ZNF71: variants seen among roughly 807,000 people sequenced by gnomAD.
The protein encoded by ZNF71 is zinc finger protein 71.
Under a neutral mutation model 6.7 loss-of-function variants are expected in ZNF71, and 3 were observed. The observed-to-expected ratio is 0.45, with a 90% CI of 0.20 to 1.16. The LOEUF is 1.16. Ranked by LOEUF, ZNF71 falls within the 50% of genes most tolerant of loss-of-function variation. The probability of loss-of-function intolerance (pLI) is 0.25; values close to 1 mark genes in which losing one functional copy is unlikely to be tolerated. For missense variants in ZNF71, 688 were observed against 728.6 expected (o/e 0.94, Z 0.64); for synonymous variants, 343 against 311.1 (o/e 1.10, Z -1.08).
In ZNF71 at chr19:56,621,370, A is replaced by G. The variant is rs1367133662; in HGVS notation, c.263A>G (p.Asn88Ser). The G allele has an allele frequency of 8.2e-6, 13 of 1,591,300 alleles. No individual in the cohort carries two copies. The highest frequency in any genetic ancestry group is 1.1e-5 in the Non-Finnish European group (13 of 1,167,260). ...VGEATGGPTR[N>S]GARGPGSEGV... is the part of the protein sequence containing the mutation. Reference sequence around the variant, plus strand: ...GAGGCCACGGGGGGACCCACGAGGAATGGTGCCAGGGGTCCTGGCTCAGAA... The same window carrying G: ...GAGGCCACGGGGGGACCCACGAGGAGTGGTGCCAGGGGTCCTGGCTCAGAA... Residue 88 changes from asparagine (N) to serine (S), a missense_variant, in exon 4 of 4, where the codon AAT becomes AGT. Asn to Ser is a conservative substitution (Grantham distance 46). Transcript: ENST00000599599.
At chr19:56,616,589 T>C (rs538864589) in intron 3 of ZNF71, among the ~76,000 whole-genome samples, 1 of 152,204 alleles carries the variant, frequency 6.6e-6, no homozygotes, top group African/African-American at 2.4e-5. Context: ...TGTTTTCAAA[T>C]CCTTTCAGAT....
chr19:56,601,063 G>A (rs553533496), intron 1 of ZNF71, among the ~76,000 whole-genome samples: 12 of 152,256 alleles, frequency 7.9e-5, no homozygotes, highest in Non-Finnish European at 1.5e-4. Context: ...CAGGGTGTCC[G>A]GTGGCCCTCA....
intron 3 of ZNF71, among the ~76,000 whole-genome samples, chr19:56,619,900 C>T (rs1336310034): frequency 2.0e-5 from 3 of 152,160 alleles, no homozygotes; most frequent in African/African-American, 7.2e-5. Context: ...AGTCTAGACT[C>T]CACCTAGGCT....
chr19:56,621,134 C>G, intron 3 of ZNF71, 134 bp from the exon 4 acceptor site: 1 of 868,638 alleles, frequency 1.2e-6, no homozygotes. Context: ...ATCCAAGGTT[C>G]TTCTTTGCTA....
In ZNF71 at chr19:56,598,736, A is replaced by G. The variant is rs185182914; in HGVS notation, c.-52-2771A>G. ...GTTTGGCAAATGTCTCTAGACGTTG[A>G]CAAATGTCTCCGGGGGCAGAATTGT... is the stretch of plus-strand genomic sequence containing the variant. On this transcript the variant is annotated intron_variant, in intron 1 of 3. Transcript: ENST00000599599. The surrounding 1 kb of genome is among the most constrained non-coding windows in gnomAD (Gnocchi z 4.2). Among the ~76,000 whole-genome samples the G allele has an allele frequency of 6.6e-6, 1 of 152,334 alleles. No homozygotes were observed. Among genetic ancestry groups the G allele is most frequent in the East Asian group, 1.9e-4 (1 of 5,190 alleles).
In ZNF71 at chr19:56,621,541, G is replaced by T. The variant is rs536091468; in HGVS notation, c.434G>T (p.Gly145Val). Residue 145 changes from glycine (G) to valine (V), a missense_variant, in exon 4 of 4, where the codon GGC becomes GTC. Gly to Val is a moderately radical substitution (Grantham distance 109, BLOSUM62 -3). Transcript: ENST00000599599. ...CHELKAFANQ[G>V]CVLVPPRLDD... ...GAACTGAAGGCATTTGCCAACCAAGGCTGTGTCCTGGTCCCACCACGGCTG... is the reference window on the plus strand; with the variant it reads ...GAACTGAAGGCATTTGCCAACCAAGTCTGTGTCCTGGTCCCACCACGGCTG... 1.1e-5 allele frequency: 17 copies of T among 1,614,178 alleles called. No homozygotes were observed. The highest frequency in any genetic ancestry group is 1.4e-5 in the Non-Finnish European group (17 of 1,180,028).
chr19:56,612,154 A>G (rs1189486660), intron 2 of ZNF71, among the ~76,000 whole-genome samples: 2 of 152,246 alleles, frequency 1.3e-5, no homozygotes, highest in African/African-American at 4.8e-5. Flanking sequence ...TCAAAGAACT[A>G]AAAGTAGATC....
In ZNF71 at chr19:56,595,774, C is replaced by T. The variant is rs540720294; in HGVS notation, c.-53+346C>T. 2.6e-3 allele frequency among the ~76,000 whole-genome samples: 390 copies of T among 149,212 alleles called. 1 individual carries two copies. The highest frequency in any genetic ancestry group is 9.1e-3 in the African/African-American group (368 of 40,448). On this transcript the variant is annotated intron_variant, in intron 1 of 3. Transcript: ENST00000599599. ...TGTCTGTGTGTGTGTCTGTGTGGGT[C>T]TGTATGTGTGTGTGAGACAGATTGT...
rs767195075 is a variant in ZNF71, at chr19:56,622,190, G to T, written c.1083G>T (p.Lys361Asn). 1.2e-6 allele frequency: 2 copies of T among 1,610,844 alleles called. No homozygotes were observed. The highest frequency in any genetic ancestry group is 2.2e-5 in the South Asian group (2 of 90,842). Residue 361 changes from lysine (K) to asparagine (N), a missense_variant, in exon 4 of 4, where the codon AAG becomes AAT. Physicochemically the swap from Lys to Asn is moderately conservative, Grantham distance 94. Coordinates refer to ENST00000599599, the MANE Select transcript of ZNF71 (RefSeq NM_001370215.1). ...CCGGGGAGAAGCCGTACGCCTGCAA[G>T]GAGTGCGGCAAGGCCTTCAACAAGA... ...THTGEKPYAC[K>N]ECGKAFNKSS...
chr19:56,601,745 C>G (rs1210312596), intron 2 of ZNF71, among the ~76,000 whole-genome samples, 154 bp downstream of exon 2: 4 of 152,056 alleles, frequency 2.6e-5, no homozygotes, highest in Non-Finnish European at 4.4e-5. Flanking sequence ...ATGATGCTGA[C>G]CCTGGCTGTG....
chr19:56,623,563 T>C lies in ZNF71; in HGVS notation c.*806T>C, dbSNP rs1328170662. ...TATTCAGAAAGAAATATGCATGGAT[T>C]CAATAAGTATATACATCTGAGCACA... On this transcript the variant is annotated 3_prime_UTR_variant, in exon 4 of 4. Transcript: ENST00000599599. 1 of 167,082 alleles carries C rather than the reference T, an allele frequency of 6.0e-6. No homozygotes were observed. The highest frequency in any genetic ancestry group is 1.9e-4 in the East Asian group (1 of 5,204). 10.3% of individuals were successfully genotyped at this position (167,082 alleles called of 1,614,324 possible). A position where few individuals can be genotyped will look rare whatever the true frequency, so the allele number is the denominator to read the frequency against.
At position 56,623,901 on chromosome 19, in the gene ZNF71, G is replaced by A. The variant is rs550098472; in HGVS notation, c.*1144G>A. Reference sequence around the variant, plus strand: ...GCCCTGACCTCATGACCTCCCAAAGGTCCTCCCTCTTCATACTGTTACATT... The same window carrying A: ...GCCCTGACCTCATGACCTCCCAAAGATCCTCCCTCTTCATACTGTTACATT... On this transcript the variant is annotated 3_prime_UTR_variant, in exon 4 of 4. Transcript: ENST00000599599. 6.0e-6 allele frequency: 1 copy of A among 167,136 alleles called. No homozygotes were observed. Among genetic ancestry groups the A allele is most frequent in the South Asian group, 2.1e-4 (1 of 4,818 alleles). 10.4% of individuals were successfully genotyped at this position (167,136 alleles called of 1,614,324 possible).
rs991558112 is a variant in ZNF71, at chr19:56,613,294, C to G, written c.34-518C>G. On this transcript the variant is annotated intron_variant, in intron 2 of 3. Transcript: ENST00000599599. This position sits in a 1 kb window ranked among gnomAD's most constrained non-coding sequence, Gnocchi z 4.6. The stretch of plus-strand genomic sequence containing the variant: ...GGCACCCCCCACAGCTGGCATTACT[C>G]AGGCACCTGGAGACCTTTGTTCATA... Among the ~76,000 whole-genome samples, 7 of 152,230 alleles carry G rather than the reference C, an allele frequency of 4.6e-5. No individual in the cohort carries two copies. Among genetic ancestry groups the G allele is most frequent in the Non-Finnish European group, 1.0e-4 (7 of 68,042 alleles).
intron 1 of ZNF71, among the ~76,000 whole-genome samples, chr19:56,597,715 G>C (rs1600580974): frequency 7.2e-6 from 1 of 139,560 alleles, no homozygotes; most frequent in Admixed American, 7.5e-5. Flanking sequence ...TATTAATTTT[G>C]TTTTCAGGGT....
chr19:56,607,973 A>G lies in ZNF71; in HGVS notation c.34-5839A>G, dbSNP rs561944093. ...GTGGGAGGCTTCAGCTGCTGGTCAG[A>G]TGGGCCTCTCCAAAGGACTCTGCAG... On this transcript the variant is annotated intron_variant, in intron 2 of 3. Transcript: ENST00000599599. Among the ~76,000 whole-genome samples the G allele has an allele frequency of 2.4e-3, 358 of 152,318 alleles. 4 individuals carry two copies. The highest frequency in any genetic ancestry group is 6.8e-3 in the Middle Eastern group (2 of 294).
rs572735393 is a variant in ZNF71, at chr19:56,612,903, C to G, written c.34-909C>G. ...GATTTCATCTGCAGCAGCCCTGTTT[C>G]CAAATAAGGTCATGTTCTTGAGACC... On this transcript the variant is annotated intron_variant, in intron 2 of 3. Transcript: ENST00000599599. Among the ~76,000 whole-genome samples the G allele has an allele frequency of 4.1e-4, 63 of 152,286 alleles. 1 individual carries two copies. The highest frequency in any genetic ancestry group is 3.4e-3 in the Middle Eastern group (1 of 294).
In ZNF71 at chr19:56,623,078, G is replaced by T. The variant is rs2044878229; in HGVS notation, c.*321G>T. The stretch of plus-strand genomic sequence containing the variant: ...CTGTCCTAGAGCTGGGACAGGTCAC[G>T]CCTGCCTCCACATCTCTGTTTCTTC... On this transcript the variant is annotated 3_prime_UTR_variant, in exon 4 of 4. Coordinates refer to ENST00000599599, the MANE Select transcript of ZNF71 (RefSeq NM_001370215.1). 2.9e-6 allele frequency: 1 copy of T among 346,358 alleles called. No individual in the cohort carries two copies. Among genetic ancestry groups the T allele is most frequent in the East Asian group, 5.0e-5 (1 of 20,192 alleles). 21.5% of individuals were successfully genotyped at this position (346,358 alleles called of 1,614,324 possible). A position where few individuals can be genotyped will look rare whatever the true frequency, so the allele number is the denominator to read the frequency against.
At chr19:56,614,658 C>T (rs1307460655) in intron 3 of ZNF71, among the ~76,000 whole-genome samples, 1 of 152,224 alleles carries the variant, frequency 6.6e-6, no homozygotes, top group Non-Finnish European at 1.5e-5. Flanking sequence ...CCACAACATA[C>T]TGTTAGGTTA....
In ZNF71 at chr19:56,621,256, TG is replaced by T; in HGVS notation, c.161-11del. 1 of 1,514,572 alleles carries T rather than the reference TG, an allele frequency of 6.6e-7. No individual in the cohort carries two copies. The highest frequency in any genetic ancestry group is 1.3e-5 in the South Asian group (1 of 74,380). The allele number at this position is 1,514,572 out of a possible 1,614,324, so 93.8% of individuals were successfully genotyped here. A position where few individuals can be genotyped will look rare whatever the true frequency, so the allele number is the denominator to read the frequency against. ...TACATGTATTTGCATCTTCTGTTTT[TG>T]TTTTTTTCAGACTGGGAGACTAGAC... On this transcript the variant is annotated splice_polypyrimidine_tract_variant and intron_variant, in intron 3 of 3. Coordinates refer to ENST00000599599, the MANE Select transcript of ZNF71 (RefSeq NM_001370215.1).
Sources: gnomAD v4.1 joint callset for allele counts (sites outside exome capture counted in the v4.1 genomes callset) on GRCh38, gnomAD v4.1.1 for gene constraint, Gnocchi (gnomAD v3.1) non-coding constraint, MANE v1.5 for transcripts, NCBI Gene and HGNC (gene_info 2026-07-23, HGNC 2026-07-21) for gene names.